Variants in KNDC1 observed in about 807,000 individuals in gnomAD.
KNDC1 encodes the protein kinase non-catalytic C-lobe domain containing 1.
Under a neutral mutation model 172.8 loss-of-function variants are expected in KNDC1, and 106 were observed. That is an observed-to-expected ratio of 0.61 (90% CI 0.52 to 0.72). KNDC1 has a LOEUF of 0.72. Among genes scored for constraint, KNDC1 ranks in the 30% least tolerant of loss-of-function variants. KNDC1 has a pLI of 0.00. For missense variants in KNDC1, 2,325 were observed against 2,394.5 expected, an observed-to-expected ratio of 0.97 and a Z score of 0.61; for synonymous variants, 1,083 against 1,062.2, an observed-to-expected ratio of 1.02 and a Z score of -0.38.
At chr10:133,199,678 G>T in intron 15 of KNDC1, 76 bp downstream of exon 15, 8 of 1,527,090 alleles carry the variant, frequency 5.2e-6, no homozygotes, top group South Asian at 1.2e-5. Context: ...GCCTGACCCG[G>T]GCCCAGCCTT....
chr10:133,224,033 G>GT lies in KNDC1; in HGVS notation c.5019-625dup, dbSNP rs1845669779. ...CAGGCATGCTCTTCCCGGCGTGTGT[G>GT]TGTGTGAGAGCCCATCCAGGCTTGG... On this transcript the variant is annotated intron_variant, in intron 29 of 29. Transcript: ENST00000304613. The surrounding 1 kb of genome is among the most constrained non-coding windows in gnomAD (Gnocchi z 5.4). 2.6e-5 allele frequency among the ~76,000 whole-genome samples: 4 copies of GT among 152,192 alleles called. No homozygotes were observed. The South Asian group carries it at 8.3e-4, about 32-fold the overall frequency.
At chr10:133,161,078 C>G (rs1591209370) in intron 1 of KNDC1, among the ~76,000 whole-genome samples, 1 of 152,098 alleles carries the variant, frequency 6.6e-6, no homozygotes, top group African/African-American at 2.4e-5. Flanking sequence ...CCCCCCTACC[C>G]CGCAAGGTGC....
In KNDC1 at chr10:133,198,576, A is replaced by G; in HGVS notation, c.2070-2A>G. 6.3e-7 allele frequency: 1 copy of G among 1,585,598 alleles called. No individual in the cohort carries two copies. The highest frequency in any genetic ancestry group is 1.1e-5 in the South Asian group (1 of 87,196). ...CCCTCCTGAGCTCTGCTCCTCCCGT[A>G]GGGACCAGCCTGCCTTGGCCCAGGA... On this transcript the variant is annotated splice_acceptor_variant, in intron 13 of 29. Transcript: ENST00000304613. LOFTEE classifies it high-confidence loss of function.
intron 3 of KNDC1, chr10:133,174,304 G>A (rs1853462254): frequency 6.6e-6 from 1 of 152,296 alleles, no homozygotes; most frequent in African/African-American, 2.4e-5. Flanking sequence ...AATGAAGATG[G>A]GGAACTTGCA....
At chr10:133,207,880 C>T (rs1279076011) in intron 20 of KNDC1, among the ~76,000 whole-genome samples, 2 of 152,212 alleles carry the variant, frequency 1.3e-5, no homozygotes, top group Non-Finnish European at 2.9e-5. Context: ...ACCAGGGCCA[C>T]AGGGCCAGAC....
At chr10:133,223,336 T>A (rs1312895407) in intron 29 of KNDC1, among the ~76,000 whole-genome samples, 3 of 47,578 alleles carry the variant, frequency 6.3e-5, no homozygotes, top group Admixed American at 2.3e-4. Context: ...TGTGTGTGTG[T>A]GAGAGCCCAT....
chr10:133,197,611 G>C, intron 11 of KNDC1, 64 bp from the exon 12 acceptor site: 4 of 1,254,570 alleles, frequency 3.2e-6, no homozygotes, highest in Non-Finnish European at 4.6e-6. Flanking sequence ...GACGCCCTGT[G>C]GGTGTTGCCG....
Position 133,167,585 on chromosome 10 carries a change from G to A in KNDC1, c.301+6G>A, listed in dbSNP as rs2135946266. 3 of 1,574,712 alleles carry A rather than the reference G, an allele frequency of 1.9e-6. No homozygotes were observed. Among genetic ancestry groups the A allele is most frequent in the East Asian group, 2.3e-5 (1 of 42,634 alleles). On this transcript the variant is annotated splice_donor_region_variant and intron_variant, in intron 2 of 29. Transcript: ENST00000304613. Reference sequence around the variant, plus strand: ...TTTCATGGAGCAGCTCAGCGGTGAGGCGGCGGTGGCGGTGGCGGCGGCGGC... The same window carrying A: ...TTTCATGGAGCAGCTCAGCGGTGAGACGGCGGTGGCGGTGGCGGCGGCGGC...
chr10:133,190,620 G>C (rs532790006), intron 9 of KNDC1, among the ~76,000 whole-genome samples: 1 of 152,236 alleles, frequency 6.6e-6, no homozygotes. Flanking sequence ...ACTAAAAGCC[G>C]CGCTTTTTCA....
intron 1 of KNDC1, among the ~76,000 whole-genome samples, chr10:133,162,352 G>C (rs1183645473): frequency 6.6e-6 from 1 of 152,226 alleles, no homozygotes; most frequent in African/African-American, 2.4e-5. Flanking sequence ...GGCACGGTGA[G>C]GTTGCATCAT....
In KNDC1 at chr10:133,224,590, G is replaced by A; in HGVS notation, c.5019-69G>A. The stretch of plus-strand genomic sequence containing the variant: ...CAAATGATTCCTAAGAACGCGGGGG[G>A]ACTCCCTCCCCACGGAAGCCGCGCC... On this transcript the variant is annotated intron_variant, in intron 29 of 29. Coordinates refer to ENST00000304613, the MANE Select transcript of KNDC1 (RefSeq NM_152643.8). This position sits in a 1 kb window ranked among gnomAD's most constrained non-coding sequence, Gnocchi z 5.4. 4 of 1,097,362 alleles carry A rather than the reference G, an allele frequency of 3.6e-6. No homozygotes were observed. The highest frequency in any genetic ancestry group is 2.7e-6 in the Non-Finnish European group (2 of 741,534). 68.0% of individuals were successfully genotyped at this position (1,097,362 alleles called of 1,614,324 possible). A position where few individuals can be genotyped will look rare whatever the true frequency, so the allele number is the denominator to read the frequency against.
At chr10:133,189,706 C>T in intron 8 of KNDC1, 37 bp downstream of exon 8, 1 of 1,613,818 alleles carries the variant, frequency 6.2e-7, no homozygotes, top group East Asian at 2.2e-5. Context: ...GAGTCCAGCA[C>T]CGGCTCGCCA....
chr10:133,198,282 G>A (rs982590154), intron 12 of KNDC1, 55 bp from the exon 13 acceptor site: 10 of 1,483,438 alleles, frequency 6.7e-6, no homozygotes, highest in Middle Eastern at 2.0e-4. Flanking sequence ...CCGGTGGTGC[G>A]GCACGTGCTG....
At chr10:133,197,180 C>T in intron 11 of KNDC1, 45 bp downstream of exon 11, 3 of 1,483,138 alleles carry the variant, frequency 2.0e-6, no homozygotes, top group South Asian at 2.3e-5. Flanking sequence ...CCGCGCTTAG[C>T]TTCCTCCCTC....
intron 3 of KNDC1, among the ~76,000 whole-genome samples, chr10:133,168,961 T>A (rs971139041): frequency 6.6e-6 from 1 of 152,208 alleles, no homozygotes; most frequent in African/African-American, 2.4e-5. Context: ...AGGGGCGGAA[T>A]CACCCCGGGG....
At chr10:133,167,214 A>G in intron 1 of KNDC1, 167 bp from the exon 2 acceptor site, 2 of 652,126 alleles carry the variant, frequency 3.1e-6, no homozygotes, top group Non-Finnish European at 5.2e-6. Flanking sequence ...AGGGAACAGC[A>G]GGACGACTCT....
chr10:133,167,651 C>A (rs1249395303), intron 2 of KNDC1, 72 bp downstream of exon 2: 4 of 1,454,212 alleles, frequency 2.8e-6, no homozygotes, highest in Admixed American at 4.0e-5. Context: ...GGGATGTGAG[C>A]ACTGGCTCTG....
intron 28 of KNDC1, among the ~76,000 whole-genome samples, chr10:133,219,525 T>A (rs1845537569): frequency 6.6e-6 from 1 of 152,228 alleles, no homozygotes; most frequent in Non-Finnish European, 1.5e-5. Context: ...GTCTTGGGTC[T>A]CAGAGCTCGG....
chr10:133,196,401 C>T (rs917530203), intron 10 of KNDC1, among the ~76,000 whole-genome samples: 6 of 152,138 alleles, frequency 3.9e-5, no homozygotes, highest in African/African-American at 1.4e-4. Context: ...TGTCAGTGAT[C>T]AGGAGGACCT....
Sources: gnomAD v4.1 joint callset for allele counts (sites outside exome capture counted in the v4.1 genomes callset) on GRCh38, gnomAD v4.1.1 for gene constraint, Gnocchi (gnomAD v3.1) non-coding constraint, MANE v1.5 for transcripts, NCBI Gene and HGNC (gene_info 2026-07-23, HGNC 2026-07-21) for gene names.